The following LHFPL4 variants were observed in gnomAD, a reference collection of about 807,000 sequenced individuals.
LHFPL4 encodes the protein LHFPL tetraspan subfamily member 4.
Under a neutral mutation model 20.0 loss-of-function variants are expected in LHFPL4, and 6 were observed. The ratio of observed to expected loss-of-function variants is 0.30; its 90% CI spans 0.16 to 0.59. The LOEUF (loss-of-function observed/expected upper bound fraction) is 0.59. Among genes scored for constraint, LHFPL4 ranks in the 20% least tolerant of loss-of-function variants. The probability of loss-of-function intolerance (pLI) is 0.88; values close to 1 mark genes in which losing one functional copy is unlikely to be tolerated. For synonymous variants in LHFPL4, 129 were observed against 143.8 expected (o/e 0.90, Z 0.74); for missense variants, 215 against 331.2 (o/e 0.65, Z 2.72).
At chr3:9,538,644 T>A (rs2046458029) in intron 2 of LHFPL4, among the ~76,000 whole-genome samples, 1 of 152,106 alleles carries the variant, frequency 6.6e-6, no homozygotes, top group African/African-American at 2.4e-5. Context: ...TCAGGTAATA[T>A]TCCTGAGAGC....
chr3:9,533,656 C>T (rs533707044), intron 2 of LHFPL4, among the ~76,000 whole-genome samples: 1 of 152,086 alleles, frequency 6.6e-6, no homozygotes, highest in Non-Finnish European at 1.5e-5. Context: ...GTGGCGGGCG[C>T]CTGTAGTCCC....
chr3:9,519,082 C>T (rs1055278545), intron 2 of LHFPL4, among the ~76,000 whole-genome samples: 3 of 152,058 alleles, frequency 2.0e-5, no homozygotes, highest in East Asian at 1.9e-4. Flanking sequence ...GGATTACAGG[C>T]GCATGCCACC....
At chr3:9,552,033 CG>C (rs1270579236) in intron 2 of LHFPL4, among the ~76,000 whole-genome samples, 14 of 152,222 alleles carry the variant, frequency 9.2e-5, no homozygotes, top group Admixed American at 9.2e-4. Flanking sequence ...ATAAATGCAG[CG>C]TACCCATACC....
intron 2 of LHFPL4, among the ~76,000 whole-genome samples, chr3:9,518,213 T>C (rs2046316237): frequency 6.6e-6 from 1 of 152,222 alleles, no homozygotes; most frequent in Non-Finnish European, 1.5e-5. Flanking sequence ...ATTACATTAA[T>C]TGTTTTTTAA....
intron 2 of LHFPL4, among the ~76,000 whole-genome samples, chr3:9,541,163 C>T (rs1215981766): frequency 6.6e-6 from 1 of 151,750 alleles, no homozygotes. Flanking sequence ...AGGCTGGTCT[C>T]GAACTCCTGG....
intron 3 of LHFPL4, among the ~76,000 whole-genome samples, chr3:9,505,748 G>A (rs2046213425): frequency 6.6e-6 from 1 of 151,242 alleles, no homozygotes; most frequent in African/African-American, 2.4e-5. Flanking sequence ...TTTTAGGGAG[G>A]GGATTTCACC....
intron 2 of LHFPL4, among the ~76,000 whole-genome samples, chr3:9,523,719 C>T (rs953625373): frequency 5.9e-5 from 9 of 152,110 alleles, no homozygotes; most frequent in African/African-American, 1.9e-4. Flanking sequence ...GTAATCTACC[C>T]ACCTCAGCCT....
In LHFPL4 at chr3:9,518,154, T is replaced by C. The variant is rs372718306; in HGVS notation, c.407-11951A>G. On this transcript the variant is annotated intron_variant, in intron 2 of 3. Coordinates refer to ENST00000287585, the MANE Select transcript of LHFPL4 (RefSeq NM_198560.3). ...TCAACAAATGCTTTTCTTCTGTGATTACTGATAAAATCATGTGATTTTCCT... is the reference window on the plus strand; with the variant it reads ...TCAACAAATGCTTTTCTTCTGTGATCACTGATAAAATCATGTGATTTTCCT... 3.5e-4 allele frequency among the ~76,000 whole-genome samples: 53 copies of C among 152,330 alleles called. 1 individual carries two copies. In the East Asian group the frequency reaches 8.3e-3, roughly 24 times the overall value.
At chr3:9,504,831 A>T (rs943581711) in intron 3 of LHFPL4, among the ~76,000 whole-genome samples, 1 of 151,742 alleles carries the variant, frequency 6.6e-6, no homozygotes, top group Non-Finnish European at 1.5e-5. Flanking sequence ...TCTCAAAAAA[A>T]AAAAAATACT....
intron 2 of LHFPL4, among the ~76,000 whole-genome samples, chr3:9,532,827 C>A (rs1377954722): frequency 1.3e-5 from 2 of 152,162 alleles, no homozygotes; most frequent in African/African-American, 4.8e-5. Flanking sequence ...CTCCCTTCTC[C>A]CTTGATGTGG....
intron 2 of LHFPL4, among the ~76,000 whole-genome samples, chr3:9,518,111 G>C (rs1247955530): frequency 2.6e-5 from 4 of 151,954 alleles, no homozygotes; most frequent in African/African-American, 9.7e-5. Context: ...AGTTTTTATT[G>C]TGAATAGGTG....
At chr3:9,526,969 G>A (rs1353948564) in intron 2 of LHFPL4, among the ~76,000 whole-genome samples, 2 of 151,798 alleles carry the variant, frequency 1.3e-5, no homozygotes, top group Admixed American at 1.3e-4. Flanking sequence ...AGGTTAAAAT[G>A]GTAAATTTCA....
intron 2 of LHFPL4, among the ~76,000 whole-genome samples, chr3:9,515,397 G>A (rs568808842): frequency 2.0e-5 from 3 of 152,024 alleles, no homozygotes; most frequent in East Asian, 1.9e-4. Flanking sequence ...TTTTTGAGAC[G>A]GAGTCTCGCT....
chr3:9,504,814 G>A (rs1160562935), intron 3 of LHFPL4, among the ~76,000 whole-genome samples: 2 of 108,986 alleles, frequency 1.8e-5, no homozygotes, highest in African/African-American at 7.2e-5. Context: ...GACTGAGTGA[G>A]ACTCCATCTC....
intron 3 of LHFPL4, among the ~76,000 whole-genome samples, chr3:9,503,173 T>C (rs997450303): frequency 1.3e-5 from 2 of 152,016 alleles, no homozygotes; most frequent in African/African-American, 4.8e-5. Context: ...GGAGGCTCAC[T>C]CATCTTGAAC....
At position 9,552,619 on chromosome 3, in the gene LHFPL4, C is replaced by A. The variant is rs1211747992; in HGVS notation, c.61G>T (p.Ala21Ser). The part of the protein sequence containing the change: ...YHEHYMRNSR[A>S]IGVLWAIFTI... The stretch of plus-strand genomic sequence containing the variant: ...AAGATGGCCCACAGCACGCCGATGG[C>A]CCGCGAGTTCCGCATGTAGTGCTCG... Residue 21 changes from alanine to serine, a missense_variant, in exon 2 of 4, where the codon GCC becomes TCC. Physicochemically the swap from Ala to Ser is moderately conservative, Grantham distance 99. Coordinates refer to ENST00000287585, the MANE Select transcript of LHFPL4 (RefSeq NM_198560.3). 1 of 1,613,838 alleles carries A rather than the reference C, an allele frequency of 6.2e-7. No individual in the cohort carries two copies.
intron 2 of LHFPL4, among the ~76,000 whole-genome samples, chr3:9,532,099 C>T (rs1229566558): frequency 6.6e-6 from 1 of 152,030 alleles, no homozygotes; most frequent in African/African-American, 2.4e-5. Context: ...AATCGCGGCT[C>T]ACTGCAACCT....
intron 2 of LHFPL4, among the ~76,000 whole-genome samples, chr3:9,509,160 A>G (rs748639448): frequency 2.0e-5 from 3 of 151,794 alleles, no homozygotes; most frequent in African/African-American, 4.8e-5. Flanking sequence ...TTCCGCCTGC[A>G]CGTTTTTTCT....
chr3:9,540,483 A>C (rs2046470354), intron 2 of LHFPL4, among the ~76,000 whole-genome samples: 1 of 152,220 alleles, frequency 6.6e-6, no homozygotes, highest in Non-Finnish European at 1.5e-5. Flanking sequence ...ATGGTGTGTG[A>C]TGTCTGCTAT....
Sources: allele counts gnomAD v4.1 joint callset (sites outside exome capture counted in the v4.1 genomes callset), GRCh38; gene constraint gnomAD v4.1.1; transcripts MANE v1.5; gene names NCBI Gene and HGNC (gene_info 2026-07-23, HGNC 2026-07-21).